Variants in DIS3L2 observed in about 807,000 individuals in gnomAD.
The protein encoded by DIS3L2 is DIS3-like exonuclease 2.
A neutral mutation model predicts 97.5 loss-of-function variants in DIS3L2; 34 were observed. That is an observed-to-expected ratio of 0.35 (90% CI 0.27 to 0.46). The LOEUF is 0.46. Among genes scored for constraint, DIS3L2 ranks in the 20% least tolerant of loss-of-function variants. The pLI is 1.00. For missense variants in DIS3L2, 1,038 were observed against 1,146.0 expected, an observed-to-expected ratio of 0.91 and a Z score of 1.36; for synonymous variants, 435 against 445.2, an observed-to-expected ratio of 0.98 and a Z score of 0.29.
Position 232,100,829 on chromosome 2 carries a change from G to GTGTGTA in DIS3L2, c.601+13109_601+13110insGTGTAT, listed in dbSNP as rs149798372. Reference sequence around the variant, plus strand: ...GGTGTGTGTGTGTGTGTGTGTGTGTGTATATATATCTCCACAAATTTGATT... The same window carrying GTGTGTA: ...GGTGTGTGTGTGTGTGTGTGTGTGTGTGTGTATATATATATCTCCACAAATTTGATT... On this transcript the variant is annotated intron_variant, in intron 6 of 20. Coordinates refer to ENST00000325385, the MANE Select transcript of DIS3L2 (RefSeq NM_152383.5). Among the ~76,000 whole-genome samples the GTGTGTA allele has an allele frequency of 8.2e-3, 1,220 of 148,144 alleles. 20 individuals carry two copies. Among genetic ancestry groups the GTGTGTA allele is most frequent in the African/African-American group, 0.028 (1,145 of 40,282 alleles).
intron 5 of DIS3L2, among the ~76,000 whole-genome samples, chr2:232,067,002 T>C (rs768546420): frequency 1.3e-5 from 2 of 152,132 alleles, no homozygotes; most frequent in African/African-American, 2.4e-5. Context: ...TCTGAAATAT[T>C]ATTGGTAATC....
intron 9 of DIS3L2, among the ~76,000 whole-genome samples, chr2:232,203,303 A>G (rs752024908): frequency 2.0e-5 from 3 of 152,202 alleles, no homozygotes; most frequent in Non-Finnish European, 4.4e-5. Flanking sequence ...TCACGGACAG[A>G]GGAGGGCCTC....
At chr2:232,288,223 C>T (rs562565597) in intron 13 of DIS3L2, among the ~76,000 whole-genome samples, 3 of 152,296 alleles carry the variant, frequency 2.0e-5, no homozygotes, top group East Asian at 1.9e-4. Context: ...AGAATTAGCA[C>T]GGAATCAAGT....
chr2:231,981,215 A>C (rs1295206656), intron 1 of DIS3L2, among the ~76,000 whole-genome samples: 1 of 152,144 alleles, frequency 6.6e-6, no homozygotes, highest in Non-Finnish European at 1.5e-5. Context: ...AAGATCTGGG[A>C]TTATAGGCGT....
In DIS3L2 at chr2:231,987,661, C is replaced by G. The variant is rs371453075; in HGVS notation, c.-94+25896C>G. Among the ~76,000 whole-genome samples, 57 of 152,252 alleles carry G rather than the reference C, an allele frequency of 3.7e-4. No homozygotes were observed. In the East Asian group the frequency reaches 8.7e-3, roughly 23 times the overall value. ...GGAGCTCTTTAGTGGAGCTGGAGGC[C>G]CAGCTTATTTCCCTGGAGTCTGTAG... On this transcript the variant is annotated intron_variant, in intron 1 of 20. Coordinates refer to ENST00000325385, the MANE Select transcript of DIS3L2 (RefSeq NM_152383.5).
intron 14 of DIS3L2, among the ~76,000 whole-genome samples, chr2:232,306,097 G>A (rs1197022757): frequency 1.3e-5 from 2 of 152,204 alleles, no homozygotes; most frequent in African/African-American, 4.8e-5. Context: ...TGCTAGTTTG[G>A]ATGTTAACTC....
At chr2:232,291,992 T>A (rs1694612965) in intron 13 of DIS3L2, among the ~76,000 whole-genome samples, 2 of 152,212 alleles carry the variant, frequency 1.3e-5, no homozygotes. Context: ...GGCCCTTGCA[T>A]GACGTTCTCC....
intron 1 of DIS3L2, among the ~76,000 whole-genome samples, chr2:232,001,938 C>G (rs1052135368): frequency 9.9e-5 from 15 of 152,018 alleles, no homozygotes; most frequent in African/African-American, 3.6e-4. Flanking sequence ...TCAGGCTGGT[C>G]TGGAACTCCT....
intron 1 of DIS3L2, among the ~76,000 whole-genome samples, chr2:231,986,343 T>A: frequency 6.6e-6 from 1 of 152,202 alleles, no homozygotes; most frequent in East Asian, 1.9e-4. Context: ...AGAACCCTGA[T>A]TAGTACACAT....
At chr2:232,261,785 C>T (rs945834074) in intron 12 of DIS3L2, among the ~76,000 whole-genome samples, 3 of 152,270 alleles carry the variant, frequency 2.0e-5, no homozygotes, top group South Asian at 4.1e-4. Flanking sequence ...CATACACTTG[C>T]GGTTTAGAGA....
At chr2:232,010,012 C>G (rs1694151437) in intron 1 of DIS3L2, among the ~76,000 whole-genome samples, 1 of 152,200 alleles carries the variant, frequency 6.6e-6, no homozygotes, top group African/African-American at 2.4e-5. Flanking sequence ...TTGTCCTACC[C>G]TGGTAGCTTC....
intron 10 of DIS3L2, among the ~76,000 whole-genome samples, chr2:232,231,856 A>G (rs541979631): frequency 7.9e-5 from 12 of 152,356 alleles, no homozygotes; most frequent in Admixed American, 3.9e-4. Flanking sequence ...GAGGTAGTTC[A>G]TGATCCGCAT....
intron 10 of DIS3L2, among the ~76,000 whole-genome samples, chr2:232,226,340 G>A (rs1329994660): frequency 6.6e-6 from 1 of 152,190 alleles, no homozygotes; most frequent in Non-Finnish European, 1.5e-5. Flanking sequence ...GTCAGACAAT[G>A]TTCTAATCCT....
intron 14 of DIS3L2, among the ~76,000 whole-genome samples, chr2:232,316,421 TCTTTGTCTCTGC>T (rs538710772): frequency 3.2e-4 from 48 of 152,128 alleles, no homozygotes; most frequent in East Asian, 3.1e-3. Context: ...CCCTGCCCTG[TCTTTGTCTCTGC>T]CTTTACAGTC....
intron 9 of DIS3L2, among the ~76,000 whole-genome samples, chr2:232,189,540 TTAGAACCA>T (rs1401022131): frequency 6.6e-6 from 1 of 152,188 alleles, no homozygotes; most frequent in African/African-American, 2.4e-5. Context: ...AAGGCAAATT[TTAGAACCA>T]TAGAACAGAT....
intron 1 of DIS3L2, among the ~76,000 whole-genome samples, chr2:231,983,976 TATA>T (rs1483415912): frequency 1.3e-5 from 2 of 152,062 alleles, no homozygotes; most frequent in Non-Finnish European, 2.9e-5. Context: ...ATTATTGGGA[TATA>T]ATAAAAAGGC....
At position 232,165,993 on chromosome 2, in the gene DIS3L2, A is replaced by G. The variant is rs145294332; in HGVS notation, c.1124+2361A>G. ...CAGTAAATTCCCCTCTCATGGCTCTATCTTGCCATTTCTTTGACCTTTATT... is the reference window on the plus strand; with the variant it reads ...CAGTAAATTCCCCTCTCATGGCTCTGTCTTGCCATTTCTTTGACCTTTATT... On this transcript the variant is annotated intron_variant, in intron 9 of 20. Transcript: ENST00000325385. Among the ~76,000 whole-genome samples, 69 of 152,044 alleles carry G rather than the reference A, an allele frequency of 4.5e-4. No individual in the cohort carries two copies. The East Asian group carries it at 0.012, about 26-fold the overall frequency.
exon 14 of DIS3L2, chr2:232,343,485 G>C: frequency 1.9e-6 from 3 of 1,556,144 alleles, no homozygotes; most frequent in Non-Finnish European, 2.6e-6. Flanking sequence ...ACACACGACT[G>C]TTTTTCCTTC....
intron 14 of DIS3L2, among the ~76,000 whole-genome samples, chr2:232,324,508 G>A (rs1366370029): frequency 6.6e-6 from 1 of 152,076 alleles, no homozygotes; most frequent in Non-Finnish European, 1.5e-5. Context: ...CTGCCCCTCT[G>A]CCCCGGCTCC....
Sources: gnomAD v4.1 joint callset for allele counts (sites outside exome capture counted in the v4.1 genomes callset) on GRCh38, gnomAD v4.1.1 for gene constraint, MANE v1.5 for transcripts, NCBI Gene and HGNC (gene_info 2026-07-23, HGNC 2026-07-21) for gene names.